The following GPR176 variants were observed in gnomAD, a reference collection of about 807,000 sequenced individuals.
GPR176 encodes the protein G protein-coupled receptor 176, also known as G-protein coupled receptor 176.
In GPR176, 26 loss-of-function variants were observed where a neutral mutation model predicts 35.4. The ratio of observed to expected loss-of-function variants is 0.74; its 90% CI spans 0.54 to 1.02. GPR176 has a LOEUF of 1.02. GPR176 is among the 50% of genes least tolerant of loss of function. The pLI is 0.00. For synonymous variants in GPR176, 278 were observed against 271.3 expected (o/e 1.02, Z -0.24); for missense variants, 597 against 665.3 (o/e 0.90, Z 1.13).
At chr15:39,884,825 C>G (rs752519377) in intron 1 of GPR176, among the ~76,000 whole-genome samples, 1 of 152,158 alleles carries the variant, frequency 6.6e-6, no homozygotes, top group Non-Finnish European at 1.5e-5. Context: ...GACCTGGTGA[C>G]ACAGCCACCC....
intron 1 of GPR176, among the ~76,000 whole-genome samples, chr15:39,894,233 C>T (rs866644474): frequency 0.029 from 4,018 of 137,024 alleles, 23 homozygotes; most frequent in African/African-American, 0.11. Flanking sequence ...CCTCACCTCC[C>T]GGACGGGGCG....
intron 1 of GPR176, among the ~76,000 whole-genome samples, chr15:39,908,874 A>G (rs748831383): frequency 1.3e-5 from 2 of 152,200 alleles, no homozygotes; most frequent in African/African-American, 2.4e-5. Context: ...CCTCATGGAC[A>G]AAGAAATAGG....
At chr15:39,895,286 AGGAAGAGGGGGAGGGGGAGG>A (rs2033076029) in intron 1 of GPR176, among the ~76,000 whole-genome samples, 1 of 14,410 alleles carries the variant, frequency 6.9e-5, no homozygotes, top group Non-Finnish European at 1.6e-4. Flanking sequence ...CCGTGGGGAG[AGGAAGAGGGGGAGGGGGAGG>A]GGGAGGGCGA....
At chr15:39,860,553 G>A (rs774780104) in intron 1 of GPR176, among the ~76,000 whole-genome samples, 13 of 152,142 alleles carry the variant, frequency 8.5e-5, no homozygotes, top group Non-Finnish European at 1.6e-4. Context: ...ATTTTAGAGT[G>A]TCTGTTGAGA....
chr15:39,909,638 C>T (rs1224079954), intron 1 of GPR176, among the ~76,000 whole-genome samples: 1 of 152,260 alleles, frequency 6.6e-6, no homozygotes, highest in South Asian at 2.1e-4. Context: ...AGACTAAGGC[C>T]GTTCTATGTA....
intron 1 of GPR176, among the ~76,000 whole-genome samples, chr15:39,909,694 C>T (rs2033526318): frequency 6.6e-6 from 1 of 152,206 alleles, no homozygotes; most frequent in Non-Finnish European, 1.5e-5. Context: ...TTTCTTTAAG[C>T]TACTGCTTTC....
intron 1 of GPR176, among the ~76,000 whole-genome samples, chr15:39,879,652 C>A (rs1480682929): frequency 1.3e-5 from 2 of 152,176 alleles, no homozygotes; most frequent in Non-Finnish European, 2.9e-5. Flanking sequence ...ACCTCACAGA[C>A]CTTGGCCTTA....
At chr15:39,899,478 T>C (rs1321770312) in intron 1 of GPR176, among the ~76,000 whole-genome samples, 2 of 152,202 alleles carry the variant, frequency 1.3e-5, no homozygotes, top group Non-Finnish European at 2.9e-5. Context: ...CACATTGATG[T>C]ATGAGAAGTG....
chr15:39,913,105 T>C (rs955446605), intron 1 of GPR176, among the ~76,000 whole-genome samples: 1 of 152,164 alleles, frequency 6.6e-6, no homozygotes, highest in Non-Finnish European at 1.5e-5. Context: ...ATCCATACAA[T>C]GAAATATGAT....
chr15:39,879,212 A>G (rs2032377277), intron 1 of GPR176, among the ~76,000 whole-genome samples: 1 of 152,214 alleles, frequency 6.6e-6, no homozygotes, highest in Admixed American at 6.5e-5. Context: ...CCAGGTCCAT[A>G]AAGTAGGTTA....
At chr15:39,893,585 T>G (rs1488377914) in intron 1 of GPR176, among the ~76,000 whole-genome samples, 1 of 152,230 alleles carries the variant, frequency 6.6e-6, no homozygotes, top group Non-Finnish European at 1.5e-5. Flanking sequence ...AAGCCGCCAT[T>G]GTCATCCTGG....
intron 1 of GPR176, among the ~76,000 whole-genome samples, chr15:39,903,255 C>G (rs569718115): frequency 7.2e-6 from 1 of 139,700 alleles, no homozygotes; most frequent in Admixed American, 7.7e-5. Flanking sequence ...GTACTTTATT[C>G]GAAACAAATA....
At chr15:39,851,897 T>C (rs1048105450) in intron 1 of GPR176, among the ~76,000 whole-genome samples, 23 of 152,190 alleles carry the variant, frequency 1.5e-4, no homozygotes, top group Admixed American at 1.5e-3. Flanking sequence ...GATTTCCAGC[T>C]TTGTCCCTTA....
intron 2 of GPR176, among the ~76,000 whole-genome samples, chr15:39,806,697 T>C (rs137953053): frequency 6.6e-6 from 1 of 152,152 alleles, no homozygotes; most frequent in African/African-American, 2.4e-5. Context: ...CTACTGCAAA[T>C]TGCAACACAA....
chr15:39,900,720 T>C (rs1448887279), intron 1 of GPR176, among the ~76,000 whole-genome samples: 1 of 152,172 alleles, frequency 6.6e-6, no homozygotes, highest in Non-Finnish European at 1.5e-5. Flanking sequence ...GAACACAGCA[T>C]GACTGAAATG....
chr15:39,813,868 G>T (rs1899731454), intron 1 of GPR176, among the ~76,000 whole-genome samples: 1 of 152,002 alleles, frequency 6.6e-6, no homozygotes, highest in Admixed American at 6.5e-5. Flanking sequence ...TAATCTTTGG[G>T]AATTGAACTG....
chr15:39,874,603 A>G (rs2032171912), intron 1 of GPR176, among the ~76,000 whole-genome samples: 1 of 152,220 alleles, frequency 6.6e-6, no homozygotes, highest in South Asian at 2.1e-4. Context: ...TTGCATACTT[A>G]GGGAAGTCAT....
chr15:39,887,506 A>G (rs1465543849), intron 1 of GPR176, among the ~76,000 whole-genome samples: 3 of 152,050 alleles, frequency 2.0e-5, no homozygotes, highest in Non-Finnish European at 2.9e-5. Context: ...TGAATCATTC[A>G]TCCAACAGGT....
intron 1 of GPR176, among the ~76,000 whole-genome samples, chr15:39,884,843 G>A (rs2032611863): frequency 6.6e-6 from 1 of 152,170 alleles, no homozygotes; most frequent in African/African-American, 2.4e-5. Context: ...CCCCCACTCT[G>A]CACAAGAGTC....
Sources: gnomAD v4.1 joint callset for allele counts (sites outside exome capture counted in the v4.1 genomes callset) on GRCh38, gnomAD v4.1.1 for gene constraint, MANE v1.5 for transcripts, NCBI Gene and HGNC (gene_info 2026-07-23, HGNC 2026-07-21) for gene names.